Variants in LCOR observed in about 807,000 individuals in gnomAD.
LCOR encodes ligand dependent nuclear receptor corepressor.
In LCOR, 14 loss-of-function variants were observed where a neutral mutation model predicts 64.4. The observed-to-expected ratio is 0.22, with a 90% CI of 0.14 to 0.34. LCOR has a LOEUF of 0.34. Among genes scored for constraint, LCOR ranks in the 10% least tolerant of loss-of-function variants. The pLI is 1.00. For missense variants in LCOR, 1,686 were observed against 1,765.3 expected, an observed-to-expected ratio of 0.96 and a Z score of 0.80; for synonymous variants, 643 against 642.5, an observed-to-expected ratio of 1.00 and a Z score of -0.01.
At chr10:96,857,045 C>T in intron 2 of LCOR, among the ~76,000 whole-genome samples, 1 of 151,712 alleles carries the variant, frequency 6.6e-6, no homozygotes, top group East Asian at 1.9e-4. Flanking sequence ...GTGAATTCTT[C>T]AGTCACCTGT....
intron 4 of LCOR, among the ~76,000 whole-genome samples, chr10:96,940,209 T>C (rs1847426059): frequency 6.6e-6 from 1 of 152,120 alleles, no homozygotes; most frequent in Admixed American, 6.5e-5. Flanking sequence ...GTAGCTGCTT[T>C]GGAAAATGGT....
At chr10:96,906,045 A>C (rs1217947988) in intron 2 of LCOR, among the ~76,000 whole-genome samples, 7 of 152,178 alleles carry the variant, frequency 4.6e-5, no homozygotes, top group Non-Finnish European at 8.8e-5. Flanking sequence ...ATTTGTGGTC[A>C]AAAATTGATA....
chr10:96,897,907 C>T (rs1428254889), intron 2 of LCOR, among the ~76,000 whole-genome samples: 3 of 141,350 alleles, frequency 2.1e-5, no homozygotes, highest in Non-Finnish European at 4.6e-5. Context: ...ATATCTGTTA[C>T]CCTTCTGTTT....
At chr10:96,840,371 A>G (rs943523698) in intron 2 of LCOR, among the ~76,000 whole-genome samples, 1 of 152,224 alleles carries the variant, frequency 6.6e-6, no homozygotes, top group African/African-American at 2.4e-5. Context: ...TTTACATAGT[A>G]AAAACTAGTA....
At chr10:96,959,150 T>C (rs906410532) in intron 7 of LCOR, 1 of 152,190 alleles carries the variant, frequency 6.6e-6, no homozygotes, top group African/African-American at 2.4e-5. Context: ...GCCACTATTC[T>C]GTATTGGCAC....
In LCOR at chr10:96,955,486, G is replaced by A. The variant is rs148868969; in HGVS notation, c.332+3290G>A. ...GGTTCACAAACGGAGAGCGCGCTTA[G>A]TAAAAAATTAAGGGCTATTCTTCCA... On this transcript the variant is annotated intron_variant, in intron 7 of 7. Transcript: ENST00000421806. The A allele has an allele frequency of 6.5e-5, 105 of 1,614,158 alleles. No individual in the cohort carries two copies. The African/African-American group carries it at 1.2e-3, about 19-fold the overall frequency.
chr10:96,861,353 A>G (rs1412166463), intron 2 of LCOR, among the ~76,000 whole-genome samples: 1 of 152,222 alleles, frequency 6.6e-6, no homozygotes, highest in Non-Finnish European at 1.5e-5. Flanking sequence ...TCTAACACTT[A>G]TAAATATTTT....
At chr10:96,854,259 C>A (rs758907201) in intron 2 of LCOR, among the ~76,000 whole-genome samples, 1 of 152,178 alleles carries the variant, frequency 6.6e-6, no homozygotes, top group Non-Finnish European at 1.5e-5. Flanking sequence ...AGTTACCTGG[C>A]AAAGGGCCTA....
intron 4 of LCOR, among the ~76,000 whole-genome samples, chr10:96,931,513 G>T (rs1847260808): frequency 6.6e-6 from 1 of 152,146 alleles, no homozygotes; most frequent in African/African-American, 2.4e-5. Flanking sequence ...GGGATTAACA[G>T]CATGAGCCAC....
chr10:96,912,284 A>G (rs1846851742), intron 4 of LCOR, among the ~76,000 whole-genome samples: 1 of 152,212 alleles, frequency 6.6e-6, no homozygotes, highest in South Asian at 2.1e-4. Context: ...AGCCTTATAA[A>G]GCAATTGCAA....
intron 5 of LCOR, among the ~76,000 whole-genome samples, chr10:96,944,591 GA>G (rs1416470195): frequency 4.2e-5 from 6 of 144,376 alleles, no homozygotes; most frequent in Non-Finnish European, 3.0e-5. Context: ...CCAACTGTGT[GA>G]TTTTTTTTTT....
intron 6 of LCOR, among the ~76,000 whole-genome samples, chr10:96,949,941 A>C (rs925513430): frequency 1.3e-5 from 2 of 152,224 alleles, no homozygotes; most frequent in Non-Finnish European, 2.9e-5. Flanking sequence ...TTAAGAGGTT[A>C]TTAGTTTTGT....
intron 4 of LCOR, among the ~76,000 whole-genome samples, chr10:96,923,272 T>C (rs1355394401): frequency 6.6e-6 from 1 of 152,226 alleles, no homozygotes; most frequent in Non-Finnish European, 1.5e-5. Context: ...GAGTCTTTGC[T>C]AACATAATTA....
intron 4 of LCOR, among the ~76,000 whole-genome samples, chr10:96,921,079 CCTT>C (rs918450613): frequency 1.1e-4 from 17 of 152,058 alleles, no homozygotes; most frequent in African/African-American, 3.9e-4. Flanking sequence ...TGTCCTTCCT[CCTT>C]GGCCTCCCAA....
In LCOR at chr10:96,983,439, G is replaced by A; in HGVS notation, c.2979G>A (p.Glu993=). 6.2e-7 allele frequency: 1 copy of A among 1,614,168 alleles called. No individual in the cohort carries two copies. Among genetic ancestry groups the A allele is most frequent in the South Asian group, 1.1e-5 (1 of 91,082 alleles). The change falls in exon 8 of 8, where the codon GAG becomes GAA. Residue 993 remains glutamate, a synonymous_variant. Coordinates refer to ENST00000421806, the MANE Select transcript of LCOR (RefSeq NM_001346516.2). The surrounding 1 kb of genome is among the most constrained non-coding windows in gnomAD (Gnocchi z 4.5). The part of the protein sequence containing the change: ...PTQHVEEAVN[E]VDNENTQQKD... ...AGCATGTGGAGGAGGCTGTGAATGA[G>A]GTAGACAACGAAAACACCCAGCAGA...
At position 96,984,434 on chromosome 10, in the gene LCOR, G is replaced by A; in HGVS notation, c.3974G>A (p.Arg1325His). The change falls in exon 8 of 8, where the codon CGT becomes CAT. Residue 1325 changes from arginine to histidine, a missense_variant. Arg to His is a conservative substitution (Grantham distance 29). Around this residue, in one of 3 missense-constraint regions of LCOR, gnomAD observed 1,293 missense variants for 1,410.4 expected, o/e 0.92. Transcript: ENST00000421806. ...CGAGGAAAGCTCAGAGCCCAGCAACGTTTAATCAAGAATGAGAAAATGGAA... is the reference window on the plus strand; with the variant it reads ...CGAGGAAAGCTCAGAGCCCAGCAACATTTAATCAAGAATGAGAAAATGGAA... ...NIRGKLRAQQRLIKNEKMECP... is the reference protein window; with the variant it reads ...NIRGKLRAQQHLIKNEKMECP... The A allele has an allele frequency of 6.2e-6, 10 of 1,614,230 alleles. No homozygotes were observed. Among genetic ancestry groups the A allele is most frequent in the Middle Eastern group, 1.6e-4 (1 of 6,062 alleles).
rs201325133 is a variant in LCOR at position 96,984,255 on chromosome 10, T to C, written c.3795T>C (p.Pro1265=). 1.9e-6 allele frequency: 3 copies of C among 1,614,158 alleles called. No individual in the cohort carries two copies. In the East Asian group the frequency reaches 6.7e-5, roughly 36 times the overall value. The change falls in exon 8 of 8, where the codon CCT becomes CCC. Residue 1265 remains proline (P), a synonymous_variant. Coordinates refer to ENST00000421806, the MANE Select transcript of LCOR (RefSeq NM_001346516.2). ...TCTGGGCCAAATTTCGAGAGAATCC[T>C]GATCAAGTGGAGCCAGAAGATGGCA... The part of the protein sequence containing the change: ...QKLWAKFREN[P]DQVEPEDGSD...
intron 2 of LCOR, among the ~76,000 whole-genome samples, chr10:96,866,437 G>C (rs1183935025): frequency 6.6e-6 from 1 of 152,150 alleles, no homozygotes; most frequent in South Asian, 2.1e-4. Context: ...TTTGGGGGCT[G>C]TTATAAATAA....
chr10:96,942,549 C>T (rs1290147405), intron 4 of LCOR, among the ~76,000 whole-genome samples: 2 of 152,096 alleles, frequency 1.3e-5, no homozygotes, highest in Non-Finnish European at 2.9e-5. Context: ...ACTTACTGTG[C>T]CTTATATAGC....
Sources: gnomAD v4.1 joint callset for allele counts (sites outside exome capture counted in the v4.1 genomes callset) on GRCh38, gnomAD v4.1.1 for gene constraint, gnomAD v4.1.1 regional missense constraint, Gnocchi (gnomAD v3.1) non-coding constraint, MANE v1.5 for transcripts, NCBI Gene and HGNC (gene_info 2026-07-23, HGNC 2026-07-21) for gene names.